PLD5: variants seen among roughly 807,000 people sequenced by gnomAD.
PLD5 encodes phospholipase D family member 5.
PLD5 carries 36 observed loss-of-function variants against 61.1 expected under a neutral mutation model. That is an observed-to-expected ratio of 0.59 (90% CI 0.45 to 0.78). The LOEUF (loss-of-function observed/expected upper bound fraction) is 0.78. Ranked by LOEUF, PLD5 falls within the 30% of genes least tolerant of loss-of-function variation. The pLI is 0.00. For missense variants in PLD5, 515 were observed against 644.4 expected, an observed-to-expected ratio of 0.80 and a Z score of 2.17; for synonymous variants, 243 against 242.8, an observed-to-expected ratio of 1.00 and a Z score of -0.01.
chr1:242,198,228 A>C (rs1486904783), intron 5 of PLD5, among the ~76,000 whole-genome samples: 3 of 152,210 alleles, frequency 2.0e-5, no homozygotes, highest in Admixed American at 6.5e-5. Context: ...AAAGATTATA[A>C]GTGTTTGACT....
chr1:242,397,429 T>A (rs1363863669), intron 1 of PLD5, among the ~76,000 whole-genome samples: 2 of 151,986 alleles, frequency 1.3e-5, no homozygotes, highest in Non-Finnish European at 2.9e-5. Flanking sequence ...TTTTTTATTA[T>A]CTCCACTGCT....
At chr1:242,469,029 CG>C (rs1341962579) in intron 1 of PLD5, among the ~76,000 whole-genome samples, 1 of 152,182 alleles carries the variant, frequency 6.6e-6, no homozygotes, top group East Asian at 1.9e-4. Flanking sequence ...AGTCCACAGT[CG>C]TAACTGCCAC....
At chr1:242,200,384 T>C (rs762355995) in intron 5 of PLD5, among the ~76,000 whole-genome samples, 4 of 152,208 alleles carry the variant, frequency 2.6e-5, no homozygotes, top group Non-Finnish European at 5.9e-5. Flanking sequence ...AGTCTAAGAC[T>C]AAAAAGATCT....
intron 5 of PLD5, among the ~76,000 whole-genome samples, chr1:242,149,404 C>CCAATAA (rs1371796921): frequency 1.3e-5 from 2 of 151,694 alleles, no homozygotes; most frequent in African/African-American, 4.8e-5. Flanking sequence ...TGAGAACTTC[C>CCAATAA]CATCCATGTT....
chr1:242,242,002 T>TAGACAC (rs1558388010), intron 4 of PLD5, among the ~76,000 whole-genome samples: 3 of 121,960 alleles, frequency 2.5e-5, no homozygotes, highest in East Asian at 5.2e-4. Context: ...TATATATATA[T>TAGACAC]ATATATATAG....
chr1:242,241,923 T>C (rs1672061085), intron 4 of PLD5, among the ~76,000 whole-genome samples: 1 of 138,448 alleles, frequency 7.2e-6, no homozygotes, highest in South Asian at 2.3e-4. Flanking sequence ...TTACTGTATA[T>C]ATATATACGC....
chr1:242,459,101 C>T (rs2102934622), intron 1 of PLD5, among the ~76,000 whole-genome samples: 1 of 152,274 alleles, frequency 6.6e-6, no homozygotes, highest in Admixed American at 6.5e-5. Flanking sequence ...AATTAATGAT[C>T]TAAGACAAAC....
chr1:242,295,306 G>C (rs1675593879), intron 2 of PLD5, among the ~76,000 whole-genome samples: 1 of 151,988 alleles, frequency 6.6e-6, no homozygotes, highest in African/African-American at 2.4e-5. Context: ...CCCTTTTGGG[G>C]TCTCCAGTGT....
chr1:242,520,391 G>T (rs1441278490), intron 1 of PLD5, among the ~76,000 whole-genome samples: 37 of 152,146 alleles, frequency 2.4e-4, no homozygotes, highest in Non-Finnish European at 1.8e-4. Flanking sequence ...GACATGGATT[G>T]TCTTGTTTCA....
intron 1 of PLD5, among the ~76,000 whole-genome samples, chr1:242,468,221 C>T (rs955432009): frequency 6.6e-6 from 1 of 152,158 alleles, no homozygotes; most frequent in Non-Finnish European, 1.5e-5. Flanking sequence ...TGGGCTGTAA[C>T]CTAATTTTGA....
intron 8 of PLD5, among the ~76,000 whole-genome samples, chr1:242,105,293 G>A (rs1002992553): frequency 1.3e-5 from 2 of 151,254 alleles, no homozygotes; most frequent in Admixed American, 6.6e-5. Context: ...GTGCAATCTC[G>A]GCTCACTGCA....
intron 1 of PLD5, among the ~76,000 whole-genome samples, chr1:242,515,865 A>C (rs543954285): frequency 7.2e-5 from 11 of 152,202 alleles, no homozygotes; most frequent in Non-Finnish European, 1.6e-4. Context: ...AATGTAGTAG[A>C]TACTGCAAAA....
rs1022807543 is a variant in PLD5 at position 242,259,729 on chromosome 1, T to C, written c.607+5608A>G. Among the ~76,000 whole-genome samples, 11 of 152,308 alleles carry C rather than the reference T, an allele frequency of 7.2e-5. No individual in the cohort carries two copies. In the East Asian group the frequency reaches 1.2e-3, roughly 16 times the overall value. ...AAAGGAAATTGATATTTTCTGACTTTATTTTATTTTTAATTGTTGCTAGGC... is the reference window on the plus strand; with the variant it reads ...AAAGGAAATTGATATTTTCTGACTTCATTTTATTTTTAATTGTTGCTAGGC... On this transcript the variant is annotated intron_variant, in intron 4 of 9. Transcript: ENST00000536534.
intron 1 of PLD5, among the ~76,000 whole-genome samples, chr1:242,374,338 G>C (rs1661823868): frequency 1.3e-5 from 2 of 152,166 alleles, no homozygotes. Flanking sequence ...TGGGAGAAAT[G>C]CTTTTTCAGT....
chr1:242,356,440 T>C (rs1368593673), intron 1 of PLD5, among the ~76,000 whole-genome samples: 7 of 152,128 alleles, frequency 4.6e-5, no homozygotes, highest in Admixed American at 1.3e-4. Context: ...TCCTTTAATG[T>C]TCAATCTCTG....
At chr1:242,457,738 T>C (rs1666987146) in intron 1 of PLD5, among the ~76,000 whole-genome samples, 1 of 152,184 alleles carries the variant, frequency 6.6e-6, no homozygotes, top group Non-Finnish European at 1.5e-5. Context: ...ACAACTTGTC[T>C]CCAGCGATCC....
rs1659340908 is a variant in PLD5 at position 242,083,588 on chromosome 1, G to A, written c.*6266C>T. On this transcript the variant is annotated 3_prime_UTR_variant, in exon 10 of 10. Coordinates refer to ENST00000536534, the MANE Select transcript of PLD5 (RefSeq NM_001372062.1). ...TTTTCCTACAGAGGATTTTCAAAGT[G>A]CTTTATCAGTACCATAACTTTGCTG... 2.0e-5 allele frequency: 3 copies of A among 152,280 alleles called. No individual in the cohort carries two copies. The highest frequency in any genetic ancestry group is 4.1e-4 in the South Asian group (2 of 4,824). The allele number at this position is 152,280 out of a possible 1,614,324, so 9.4% of individuals were successfully genotyped here. A position where few individuals can be genotyped will look rare whatever the true frequency, so the allele number is the denominator to read the frequency against.
intron 5 of PLD5, among the ~76,000 whole-genome samples, chr1:242,133,275 A>C (rs192858421): frequency 1.5e-4 from 23 of 152,298 alleles, no homozygotes; most frequent in South Asian, 1.0e-3. Context: ...CACAGGAGGC[A>C]ACCAATCAGA....
intron 1 of PLD5, among the ~76,000 whole-genome samples, chr1:242,481,987 C>A (rs1000391690): frequency 2.6e-5 from 4 of 152,210 alleles, no homozygotes; most frequent in Non-Finnish European, 5.9e-5. Context: ...AACTGACTTG[C>A]AGCTGAGGGT....
Sources: allele counts gnomAD v4.1 joint callset (sites outside exome capture counted in the v4.1 genomes callset), GRCh38; gene constraint gnomAD v4.1.1; transcripts MANE v1.5; gene names NCBI Gene and HGNC (gene_info 2026-07-23, HGNC 2026-07-21).